The following FHIT variants were observed in gnomAD, a reference collection of about 807,000 sequenced individuals.
The protein encoded by FHIT is fragile histidine triad diadenosine triphosphatase.
FHIT carries 19 observed loss-of-function variants against 17.9 expected under a neutral mutation model. The ratio of observed to expected loss-of-function variants is 1.06; its 90% CI spans 0.74 to 1.56. The LOEUF is 1.56. Ranked by LOEUF, FHIT falls within the 40% of genes most tolerant of loss-of-function variation. The pLI is 0.00. For missense variants in FHIT, 248 were observed against 189.2 expected, an observed-to-expected ratio of 1.31 and a Z score of -1.82; for synonymous variants, 81 against 69.7, an observed-to-expected ratio of 1.16 and a Z score of -0.81.
chr3:61,126,827 T>C (rs78188918), intron 2 of FHIT, among the ~76,000 whole-genome samples: 2,308 of 152,048 alleles, frequency 0.015, 60 homozygotes, highest in African/African-American at 0.053. Flanking sequence ...GTGGGCCTCA[T>C]GGAAATCTTG....
chr3:60,648,996 C>T (rs923599248), intron 4 of FHIT, among the ~76,000 whole-genome samples: 2 of 152,134 alleles, frequency 1.3e-5, no homozygotes, highest in African/African-American at 4.8e-5. Context: ...AGTATATATA[C>T]CTACATATAC....
intron 5 of FHIT, among the ~76,000 whole-genome samples, chr3:60,446,567 T>G (rs1576668861): frequency 6.6e-6 from 1 of 152,162 alleles, no homozygotes; most frequent in South Asian, 2.1e-4. Flanking sequence ...CCTAGGAGAC[T>G]ATCAAAAACA....
At chr3:60,931,022 T>C (rs1300629864) in intron 3 of FHIT, among the ~76,000 whole-genome samples, 1 of 152,186 alleles carries the variant, frequency 6.6e-6, no homozygotes, top group East Asian at 1.9e-4. Context: ...CACCATGGAA[T>C]ACTATGCAGC....
chr3:60,946,503 G>C (rs879977882), intron 3 of FHIT, among the ~76,000 whole-genome samples: 5 of 152,144 alleles, frequency 3.3e-5, no homozygotes, highest in Non-Finnish European at 7.3e-5. Flanking sequence ...TATGAGGTAG[G>C]GAGAGATATT....
chr3:60,349,952 G>T (rs1711001098), intron 5 of FHIT, among the ~76,000 whole-genome samples: 1 of 152,118 alleles, frequency 6.6e-6, no homozygotes, highest in Non-Finnish European at 1.5e-5. Flanking sequence ...TCATTCTCTT[G>T]TCTATCTGGC....
intron 5 of FHIT, among the ~76,000 whole-genome samples, chr3:60,100,847 T>C (rs1423151227): frequency 6.6e-6 from 1 of 152,224 alleles, no homozygotes; most frequent in East Asian, 1.9e-4. Context: ...CCTTGTTTCA[T>C]TTAATTTTGT....
chr3:61,185,608 C>A (rs999016610), intron 2 of FHIT, among the ~76,000 whole-genome samples: 3 of 152,178 alleles, frequency 2.0e-5, no homozygotes, highest in South Asian at 2.1e-4. Flanking sequence ...TCGGTACTTT[C>A]TATCCACATG....
intron 5 of FHIT, among the ~76,000 whole-genome samples, chr3:60,486,096 A>G (rs1352365318): frequency 6.6e-6 from 1 of 152,126 alleles, no homozygotes; most frequent in Non-Finnish European, 1.5e-5. Context: ...GCCTATTTCT[A>G]CTAACTAATC....
chr3:61,145,701 C>G (rs913363740), intron 2 of FHIT, among the ~76,000 whole-genome samples: 9 of 152,028 alleles, frequency 5.9e-5, no homozygotes, highest in African/African-American at 2.2e-4. Flanking sequence ...TATCTTTCAA[C>G]TACTTTCTAG....
chr3:60,378,030 G>A (rs1028491652), intron 5 of FHIT, among the ~76,000 whole-genome samples: 1 of 151,924 alleles, frequency 6.6e-6, no homozygotes, highest in Non-Finnish European at 1.5e-5. Context: ...TTGTTTGTTT[G>A]TTTGTTTGTT....
At chr3:61,183,279 G>C (rs1442949519) in intron 2 of FHIT, among the ~76,000 whole-genome samples, 1 of 146,190 alleles carries the variant, frequency 6.8e-6, no homozygotes, top group African/African-American at 2.5e-5. Flanking sequence ...CCAATTTATA[G>C]AAAAAGCGAG....
At chr3:60,307,012 G>T (rs112358759) in intron 5 of FHIT, among the ~76,000 whole-genome samples, 309 of 152,246 alleles carry the variant, frequency 2.0e-3, no homozygotes, top group African/African-American at 7.0e-3. Context: ...AGTTATTTCT[G>T]TGTATTCTTT....
chr3:60,814,002 C>G (rs1314519698), intron 4 of FHIT, among the ~76,000 whole-genome samples: 1 of 152,106 alleles, frequency 6.6e-6, no homozygotes, highest in Non-Finnish European at 1.5e-5. Context: ...TATCTCTTAA[C>G]AGAACATAGC....
At chr3:60,595,583 A>G (rs1036350042) in intron 4 of FHIT, among the ~76,000 whole-genome samples, 1 of 151,358 alleles carries the variant, frequency 6.6e-6, no homozygotes, top group Non-Finnish European at 1.5e-5. Flanking sequence ...ATATACGCAC[A>G]TACGTATGTG....
At chr3:60,128,009 G>C (rs1480699954) in intron 5 of FHIT, among the ~76,000 whole-genome samples, 2 of 152,136 alleles carry the variant, frequency 1.3e-5, no homozygotes, top group African/African-American at 2.4e-5. Context: ...GTAATATTAA[G>C]ATTGTTAAAT....
chr3:61,222,098 T>C (rs1185531283), intron 1 of FHIT, among the ~76,000 whole-genome samples: 1 of 152,152 alleles, frequency 6.6e-6, no homozygotes, highest in African/African-American at 2.4e-5. Flanking sequence ...CTCTGAACTC[T>C]CCATCTGGAA....
chr3:60,748,998 A>T (rs1559692316), intron 4 of FHIT, among the ~76,000 whole-genome samples: 2 of 152,174 alleles, frequency 1.3e-5, no homozygotes, highest in Non-Finnish European at 2.9e-5. Flanking sequence ...AACCTCAGAT[A>T]TGGAGGGGCA....
chr3:61,014,057 A>C (rs1474041780), intron 3 of FHIT, among the ~76,000 whole-genome samples: 1 of 152,130 alleles, frequency 6.6e-6, no homozygotes, highest in African/African-American at 2.4e-5. Context: ...GGAAGGGATG[A>C]ATTTTTCGAC....
At chr3:60,691,904 ACT>A (rs1297378286) in intron 4 of FHIT, among the ~76,000 whole-genome samples, 3 of 152,172 alleles carry the variant, frequency 2.0e-5, no homozygotes, top group East Asian at 3.9e-4. Flanking sequence ...GTCAACATTT[ACT>A]CTGAGTCTCT....
Sources: gnomAD v4.1 joint callset for allele counts (sites outside exome capture counted in the v4.1 genomes callset) on GRCh38, gnomAD v4.1.1 for gene constraint, MANE v1.5 for transcripts, NCBI Gene and HGNC (gene_info 2026-07-23, HGNC 2026-07-21) for gene names.